Variants in RBM47 observed in about 807,000 individuals in gnomAD.
RBM47 encodes the protein RNA-binding protein 47.
RBM47 carries 21 observed loss-of-function variants against 47.1 expected under a neutral mutation model. The observed-to-expected ratio is 0.45, with a 90% CI of 0.32 to 0.64. RBM47 has a LOEUF of 0.64. Among genes scored for constraint, RBM47 ranks in the 30% least tolerant of loss-of-function variants. RBM47 has a pLI of 0.05. For synonymous variants in RBM47, 375 were observed against 361.7 expected (o/e 1.04, Z -0.42); for missense variants, 708 against 870.9 (o/e 0.81, Z 2.35).
chr4:40,473,538 C>T (rs1394928363), intron 2 of RBM47, among the ~76,000 whole-genome samples: 1 of 152,056 alleles, frequency 6.6e-6, no homozygotes, highest in Non-Finnish European at 1.5e-5. Flanking sequence ...TTTCAAGAAC[C>T]CCAATATTCA....
intron 2 of RBM47, among the ~76,000 whole-genome samples, chr4:40,515,136 A>C (rs1049901628): frequency 1.3e-5 from 2 of 152,206 alleles, no homozygotes; most frequent in African/African-American, 4.8e-5. Context: ...TCTGCTCCAA[A>C]CCAGAAGTTT....
At position 40,455,896 on chromosome 4, in the gene RBM47, G is replaced by C. The variant is rs186124029; in HGVS notation, c.-32+10681C>G. ...TAGACAACTGTGTAGTCACAGTTTA[G>C]AGTCGTTAATTATCTGCCTGGCAAG... On this transcript the variant is annotated intron_variant, in intron 3 of 6. Coordinates refer to ENST00000295971, the MANE Select transcript of RBM47 (RefSeq NM_001098634.2). 1.8e-4 allele frequency among the ~76,000 whole-genome samples: 28 copies of C among 152,292 alleles called. No individual in the cohort carries two copies. In the East Asian group the frequency reaches 5.4e-3, roughly 29 times the overall value.
intron 1 of RBM47, among the ~76,000 whole-genome samples, chr4:40,581,769 T>C (rs1049745468): frequency 6.6e-6 from 1 of 152,008 alleles, no homozygotes; most frequent in Non-Finnish European, 1.5e-5. Context: ...GCATCAGTCC[T>C]GCAAGAGGGA....
intron 1 of RBM47, among the ~76,000 whole-genome samples, chr4:40,565,216 C>T (rs1004174682): frequency 2.0e-5 from 3 of 152,202 alleles, no homozygotes; most frequent in African/African-American, 4.8e-5. Flanking sequence ...GTTATTTTCT[C>T]ATTCATTCTG....
At chr4:40,490,982 C>T (rs1721791315) in intron 2 of RBM47, among the ~76,000 whole-genome samples, 1 of 152,050 alleles carries the variant, frequency 6.6e-6, no homozygotes, top group South Asian at 2.1e-4. Flanking sequence ...AAAAGAAGAA[C>T]AAAGCTCAAG....
chr4:40,478,429 C>G (rs1719943358), intron 2 of RBM47, among the ~76,000 whole-genome samples: 1 of 152,070 alleles, frequency 6.6e-6, no homozygotes, highest in Non-Finnish European at 1.5e-5. Context: ...GCAGGCAGTT[C>G]TGAGGTCTGA....
chr4:40,451,184 C>CAAAAAAAAAAAAAA (rs958122281), intron 3 of RBM47, among the ~76,000 whole-genome samples: 3 of 51,472 alleles, frequency 5.8e-5, no homozygotes, highest in African/African-American at 1.2e-4. Flanking sequence ...CAGTAGCTAC[C>CAAAAAAAAAAAAAA]AAAAAAAAAA....
At chr4:40,527,355 C>T (rs574141581) in intron 2 of RBM47, among the ~76,000 whole-genome samples, 11 of 148,902 alleles carry the variant, frequency 7.4e-5, no homozygotes, top group South Asian at 4.3e-4. Context: ...GGTGTGATCT[C>T]GGCTCACTGC....
chr4:40,619,436 A>G (rs941289801), intron 1 of RBM47, among the ~76,000 whole-genome samples: 1 of 152,260 alleles, frequency 6.6e-6, no homozygotes, highest in Admixed American at 6.5e-5. Flanking sequence ...GTCGTCTTTA[A>G]TGGCTTTCTC....
At chr4:40,596,303 A>T (rs1425141019) in intron 1 of RBM47, among the ~76,000 whole-genome samples, 1 of 152,186 alleles carries the variant, frequency 6.6e-6, no homozygotes, top group African/African-American at 2.4e-5. Context: ...ATCATTCCTG[A>T]TCTCCTGAGG....
intron 2 of RBM47, among the ~76,000 whole-genome samples, chr4:40,494,619 C>T (rs914515176): frequency 4.6e-5 from 7 of 152,146 alleles, no homozygotes; most frequent in Admixed American, 1.3e-4. Flanking sequence ...CGCATTGAGA[C>T]GAGGGCTCTC....
At chr4:40,525,490 A>T (rs1242077375) in intron 2 of RBM47, among the ~76,000 whole-genome samples, 1 of 152,136 alleles carries the variant, frequency 6.6e-6, no homozygotes, top group African/African-American at 2.4e-5. Context: ...TAACAAAAAC[A>T]TTCACCTTTC....
intron 1 of RBM47, among the ~76,000 whole-genome samples, chr4:40,569,411 A>T (rs1398188194): frequency 7.1e-5 from 10 of 140,168 alleles, no homozygotes; most frequent in South Asian, 4.5e-4. Context: ...TTCTATTCTC[A>T]TTTTTTTTTT....
intron 2 of RBM47, among the ~76,000 whole-genome samples, chr4:40,530,025 T>A (rs1244797625): frequency 7.6e-6 from 1 of 131,652 alleles, no homozygotes; most frequent in Non-Finnish European, 1.6e-5. Flanking sequence ...AACCTCCGCT[T>A]CCCGGGTTCA....
At chr4:40,568,386 G>A (rs1269925420) in intron 1 of RBM47, among the ~76,000 whole-genome samples, 2 of 126,996 alleles carry the variant, frequency 1.6e-5, no homozygotes, top group African/African-American at 3.1e-5. Flanking sequence ...CCATGATCAC[G>A]TCACAGCCCT....
chr4:40,486,357 A>G (rs1029679175), intron 2 of RBM47, among the ~76,000 whole-genome samples: 12 of 152,206 alleles, frequency 7.9e-5, no homozygotes, highest in African/African-American at 2.9e-4. Flanking sequence ...CACAATACAT[A>G]CGAGCAAAGA....
chr4:40,547,354 C>T (rs1419969754), intron 1 of RBM47, among the ~76,000 whole-genome samples: 1 of 152,152 alleles, frequency 6.6e-6, no homozygotes, highest in East Asian at 1.9e-4. Context: ...TAACCAGTGT[C>T]TTCATAAGAA....
At chr4:40,472,252 T>C (rs1028278848) in intron 2 of RBM47, among the ~76,000 whole-genome samples, 3 of 152,232 alleles carry the variant, frequency 2.0e-5, no homozygotes, top group Non-Finnish European at 4.4e-5. Flanking sequence ...ATGCCAAGCA[T>C]ATAAATTTTA....
chr4:40,627,329 G>GC lies in RBM47; in HGVS notation c.-240+2066_-240+2067insG, dbSNP rs1737835767. Among the ~76,000 whole-genome samples the GC allele has an allele frequency of 1.3e-5, 2 of 151,908 alleles. 1 individual carries two copies. Among genetic ancestry groups the GC allele is most frequent in the South Asian group, 4.2e-4 (2 of 4,818 alleles). ...ATCCCAAACTTAAACCCTCTTCAGA[G>GC]TTTTTTTTCCCCAGAATTATGTATC... On this transcript the variant is annotated intron_variant, in intron 1 of 6. Coordinates refer to ENST00000295971, the MANE Select transcript of RBM47 (RefSeq NM_001098634.2).
Sources: gnomAD v4.1 joint callset for allele counts (sites outside exome capture counted in the v4.1 genomes callset) on GRCh38, gnomAD v4.1.1 for gene constraint, MANE v1.5 for transcripts, NCBI Gene and HGNC (gene_info 2026-07-23, HGNC 2026-07-21) for gene names.